Variants in PTPRT observed in about 807,000 individuals in gnomAD.
PTPRT encodes the protein protein tyrosine phosphatase receptor type T.
PTPRT carries 56 observed loss-of-function variants against 176.8 expected under a neutral mutation model. That is an observed-to-expected ratio of 0.32 (90% CI 0.26 to 0.40). The LOEUF (loss-of-function observed/expected upper bound fraction) is 0.40. Ranked by LOEUF, PTPRT falls within the 10% of genes least tolerant of loss-of-function variation. The pLI is 1.00. For synonymous variants in PTPRT, 783 were observed against 739.0 expected (o/e 1.06, Z -0.96); for missense variants, 1,540 against 1,908.2 (o/e 0.81, Z 3.60).
intron 16 of PTPRT, among the ~76,000 whole-genome samples, chr20:42,191,456 T>C (rs1991001342): frequency 6.6e-6 from 1 of 152,202 alleles, no homozygotes; most frequent in Non-Finnish European, 1.5e-5. Context: ...CAGCCCAATG[T>C]AGAGGGTCAT....
At chr20:42,854,579 C>T (rs1439529207) in intron 2 of PTPRT, among the ~76,000 whole-genome samples, 3 of 152,202 alleles carry the variant, frequency 2.0e-5, no homozygotes, top group African/African-American at 7.2e-5. Flanking sequence ...GAGTAACAGA[C>T]CAGTCAGATG....
intron 11 of PTPRT, among the ~76,000 whole-genome samples, chr20:42,336,157 T>C (rs1469286305): frequency 6.6e-6 from 1 of 152,152 alleles, no homozygotes; most frequent in African/African-American, 2.4e-5. Flanking sequence ...TAATATACCA[T>C]TTGGCTCTGA....
At chr20:42,282,962 G>A (rs1370720916) in intron 12 of PTPRT, among the ~76,000 whole-genome samples, 2 of 152,296 alleles carry the variant, frequency 1.3e-5, no homozygotes, top group East Asian at 3.9e-4. Flanking sequence ...ATGCATAGAC[G>A]GGAAGAGATA....
At chr20:42,928,024 C>T (rs1012940607) in intron 1 of PTPRT, among the ~76,000 whole-genome samples, 6 of 152,188 alleles carry the variant, frequency 3.9e-5, no homozygotes, top group African/African-American at 1.4e-4. Flanking sequence ...TAGCACAGGG[C>T]CTGCCATGCA....
At chr20:42,061,578 TTA>T in the PTPRT span, among the ~76,000 whole-genome samples, 2 of 152,214 alleles carry the variant, frequency 1.3e-5, no homozygotes, top group African/African-American at 4.8e-5. Context: ...TCTTATTCTT[TTA>T]TGTTTTTCAT....
chr20:42,405,512 G>T (rs2058953130), intron 9 of PTPRT, among the ~76,000 whole-genome samples: 1 of 152,130 alleles, frequency 6.6e-6, no homozygotes, highest in African/African-American at 2.4e-5. Context: ...TCCCTACAAA[G>T]GACAGGAACT....
At chr20:42,968,058 C>T (rs1982403061) in intron 1 of PTPRT, among the ~76,000 whole-genome samples, 1 of 152,198 alleles carries the variant, frequency 6.6e-6, no homozygotes, top group African/African-American at 2.4e-5. Context: ...CCTCCACATT[C>T]AGCCCCGATT....
intron 9 of PTPRT, 110 bp downstream of exon 9, chr20:42,448,110 C>T (rs2070764910): frequency 1.2e-6 from 1 of 847,420 alleles, no homozygotes; most frequent in South Asian, 1.5e-5. Flanking sequence ...TTTGGTATGT[C>T]TCATCTTACT....
At chr20:42,465,154 C>T (rs2071083131) in intron 8 of PTPRT, among the ~76,000 whole-genome samples, 1 of 151,682 alleles carries the variant, frequency 6.6e-6, no homozygotes, top group South Asian at 2.1e-4. Context: ...AAAAAAAACA[C>T]TCTTTGCTCC....
chr20:42,496,429 T>C (rs1391785442), intron 7 of PTPRT, among the ~76,000 whole-genome samples: 5 of 152,226 alleles, frequency 3.3e-5, no homozygotes, highest in Non-Finnish European at 7.3e-5. Flanking sequence ...AAAAGTGGTC[T>C]TGAATAATTG....
intron 7 of PTPRT, among the ~76,000 whole-genome samples, chr20:42,543,818 C>T (rs948154845): frequency 3.3e-5 from 5 of 152,056 alleles, no homozygotes; most frequent in Non-Finnish European, 7.4e-5. Flanking sequence ...CAACGTTAAT[C>T]TTTTTGTACA....
At chr20:43,056,197 A>G (rs1290655967) in intron 1 of PTPRT, among the ~76,000 whole-genome samples, 5 of 152,152 alleles carry the variant, frequency 3.3e-5, no homozygotes, top group Non-Finnish European at 7.4e-5. Flanking sequence ...AGGCAGAGAC[A>G]ACCATCCACC....
chr20:42,218,250 A>T (rs2055816070), intron 15 of PTPRT, among the ~76,000 whole-genome samples: 1 of 152,262 alleles, frequency 6.6e-6, no homozygotes, highest in African/African-American at 2.4e-5. Context: ...GGATTACATT[A>T]AGTTAAAAAA....
chr20:42,721,096 C>T (rs116189549), intron 6 of PTPRT, among the ~76,000 whole-genome samples: 5 of 152,212 alleles, frequency 3.3e-5, no homozygotes, highest in South Asian at 2.1e-4. Flanking sequence ...GGTCAGACCA[C>T]GGTTCAAGCA....
intron 5 of PTPRT, among the ~76,000 whole-genome samples, chr20:42,761,643 G>A (rs371955762): frequency 2.0e-4 from 31 of 152,240 alleles, no homozygotes; most frequent in East Asian, 5.8e-4. Context: ...GGCAGAGAGC[G>A]GTCAAGCAAT....
intron 15 of PTPRT, among the ~76,000 whole-genome samples, chr20:42,211,138 A>T (rs1417312346): frequency 6.6e-6 from 1 of 152,186 alleles, no homozygotes; most frequent in Admixed American, 6.5e-5. Context: ...CTTATACAAA[A>T]ATCAGTTCAA....
chr20:42,221,132 T>C (rs1305207609), intron 15 of PTPRT, among the ~76,000 whole-genome samples: 3 of 152,132 alleles, frequency 2.0e-5, no homozygotes, highest in Admixed American at 6.5e-5. Context: ...GCCTCCCGAG[T>C]AGCTGAAATT....
chr20:42,851,782 C>T (rs1237499755), intron 2 of PTPRT, among the ~76,000 whole-genome samples: 1 of 152,176 alleles, frequency 6.6e-6, no homozygotes, highest in East Asian at 1.9e-4. Context: ...GGCTATGTTT[C>T]AATACATTTA....
At chr20:42,467,805 C>T (rs935090586) in intron 8 of PTPRT, among the ~76,000 whole-genome samples, 3 of 152,128 alleles carry the variant, frequency 2.0e-5, no homozygotes, top group Non-Finnish European at 4.4e-5. Flanking sequence ...TATAAGTCTC[C>T]TTTGTACTAT....
Sources: gnomAD v4.1 joint callset for allele counts (sites outside exome capture counted in the v4.1 genomes callset) on GRCh38, gnomAD v4.1.1 for gene constraint, MANE v1.5 for transcripts, NCBI Gene and HGNC (gene_info 2026-07-23, HGNC 2026-07-21) for gene names.